ATG13: variants seen among roughly 807,000 people sequenced by gnomAD.
ATG13 encodes autophagy related 13.
In ATG13, 23 loss-of-function variants were observed where a neutral mutation model predicts 65.5. The observed-to-expected ratio is 0.35, with a 90% CI of 0.25 to 0.50. The LOEUF is 0.50. ATG13 is among the 20% of genes least tolerant of loss of function. ATG13 has a pLI of 0.98. For synonymous variants in ATG13, 252 were observed against 245.2 expected (o/e 1.03, Z -0.26); for missense variants, 566 against 677.0 (o/e 0.84, Z 1.82).
intron 8 of ATG13, 107 bp downstream of exon 8, chr11:46,656,380 C>A: frequency 2.6e-6 from 3 of 1,158,616 alleles, no homozygotes; most frequent in Non-Finnish European, 3.7e-6. Flanking sequence ...TCTTAATATG[C>A]ATAATACAAG....
intron 15 of ATG13, among the ~76,000 whole-genome samples, chr11:46,668,192 C>T (rs970996832): frequency 6.6e-6 from 1 of 152,202 alleles, no homozygotes; most frequent in African/African-American, 2.4e-5. Flanking sequence ...TTGAATTGAA[C>T]TAGGAGGTTC....
At chr11:46,629,796 A>G (rs1462156976) in intron 1 of ATG13, 2 of 152,150 alleles carry the variant, frequency 1.3e-5, no homozygotes, top group African/African-American at 4.8e-5. Context: ...CCATAATATC[A>G]TGAATTTTTG....
chr11:46,645,756 G>T, intron 4 of ATG13, 114 bp from the exon 5 acceptor site: 1 of 1,416,832 alleles, frequency 7.1e-7, no homozygotes, highest in Non-Finnish European at 9.6e-7. Context: ...AGAAGTGAAT[G>T]AATTGTCTTC....
In ATG13 at chr11:46,657,109, C is replaced by G; in HGVS notation, c.514C>G (p.Arg172Gly). The G allele has an allele frequency of 6.2e-7, 1 of 1,613,876 alleles. No homozygotes were observed. The highest frequency in any genetic ancestry group is 8.5e-7 in the Non-Finnish European group (1 of 1,179,768). ...TCTTCTCCTAGGCTTCCAGACAGTT[C>G]GTGTTGGGACAGTGGGCACCCCTGT... ...SGLGEGFQTV[R>G]VGTVGTPVGT... is the part of the protein sequence containing the mutation. The change falls in exon 9 of 19, where the codon CGT becomes GGT. Residue 172 changes from arginine (R) to glycine (G), a missense_variant. This residue lies in a region of ATG13 where 179 missense variants were observed against 267.2 expected (regional missense o/e 0.67). Transcript: ENST00000683050.
chr11:46,619,332 G>A (rs1403537570), intron 1 of ATG13, among the ~76,000 whole-genome samples: 1 of 133,318 alleles, frequency 7.5e-6, no homozygotes, highest in East Asian at 2.4e-4. Context: ...TAAATAATTA[G>A]CTGATTTTTT....
intron 2 of ATG13, among the ~76,000 whole-genome samples, chr11:46,630,561 T>A (rs1243379237): frequency 7.0e-6 from 1 of 141,926 alleles, no homozygotes; most frequent in Non-Finnish European, 1.5e-5. Flanking sequence ...TGGCAAGAAA[T>A]TAGAGGCTTT....
chr11:46,624,610 G>A (rs2048861613), intron 1 of ATG13, among the ~76,000 whole-genome samples: 1 of 151,864 alleles, frequency 6.6e-6, no homozygotes, highest in South Asian at 2.1e-4. Context: ...GTTAGTTTCA[G>A]GTTATACAGT....
chr11:46,665,299 GCAGATAC>G lies in ATG13; in HGVS notation c.1000-81_1000-75del, dbSNP rs1260834668. 7 of 1,516,642 alleles carry G rather than the reference GCAGATAC, an allele frequency of 4.6e-6. No individual in the cohort carries two copies. The Admixed American group carries it at 1.3e-4, about 29-fold the overall frequency. The allele number at this position is 1,516,642 out of a possible 1,614,324, so 93.9% of individuals were successfully genotyped here. The stretch of plus-strand genomic sequence containing the variant: ...AGCGTTGGTGATGGAAAAGTCAAAA[GCAGATAC>G]CATCATGCTAGAATGTGAAGTTCCC... On this transcript the variant is annotated intron_variant, in intron 13 of 18. Coordinates refer to ENST00000683050, the MANE Select transcript of ATG13 (RefSeq NM_001346311.2).
At position 46,663,980 on chromosome 11, in the gene ATG13, T is replaced by C; in HGVS notation, c.790-17T>C. 1.5e-6 allele frequency: 2 copies of C among 1,349,402 alleles called. No individual in the cohort carries two copies. Among genetic ancestry groups the C allele is most frequent in the East Asian group, 4.7e-5 (2 of 42,312 alleles). The allele number at this position is 1,349,402 out of a possible 1,614,324, so 83.6% of individuals were successfully genotyped here. A position where few individuals can be genotyped will look rare whatever the true frequency, so the allele number is the denominator to read the frequency against. Reference sequence around the variant, plus strand: ...TTTTTTTTTGTTTCTCCTGTCTCTGTGTGTGTCTGTGCACAGTGTGTGTTT... The same window carrying C: ...TTTTTTTTTGTTTCTCCTGTCTCTGCGTGTGTCTGTGCACAGTGTGTGTTT... On this transcript the variant is annotated splice_polypyrimidine_tract_variant and intron_variant, in intron 11 of 18. Coordinates refer to ENST00000683050, the MANE Select transcript of ATG13 (RefSeq NM_001346311.2).
At chr11:46,655,952 T>C (rs979733232) in intron 7 of ATG13, among the ~76,000 whole-genome samples, 1 of 152,204 alleles carries the variant, frequency 6.6e-6, no homozygotes, top group African/African-American at 2.4e-5. Flanking sequence ...CAGACTGGTC[T>C]TGAACTCCTG....
At chr11:46,651,378 G>A (rs1416142174) in intron 7 of ATG13, among the ~76,000 whole-genome samples, 1 of 152,170 alleles carries the variant, frequency 6.6e-6, no homozygotes, top group African/African-American at 2.4e-5. Flanking sequence ...AAAAGTGAGG[G>A]AGAATAATTA....
At chr11:46,637,677 A>G (rs551947250) in intron 2 of ATG13, among the ~76,000 whole-genome samples, 8 of 152,226 alleles carry the variant, frequency 5.3e-5, no homozygotes, top group Admixed American at 2.6e-4. Context: ...TAGCACCCAG[A>G]TGAGAACAAG....
chr11:46,650,077 A>G, intron 6 of ATG13, 100 bp from the exon 7 acceptor site: 1 of 1,311,640 alleles, frequency 7.6e-7, no homozygotes, highest in Non-Finnish European at 1.0e-6. Flanking sequence ...GTGTAATTAG[A>G]GTTCTCTGGT....
rs2134427823 is a variant in ATG13 at position 46,674,077 on chromosome 11, C to G, written c.*1745C>G. ...GCTGAACCCAGGCTCAGGTTTATCC[C>G]CAAGGCCCCAGCTTTGAGAAGGGGG... On this transcript the variant is annotated 3_prime_UTR_variant, in exon 19 of 19. Transcript: ENST00000683050. The G allele has an allele frequency of 6.6e-6, 1 of 152,372 alleles. No homozygotes were observed. Among genetic ancestry groups the G allele is most frequent in the South Asian group, 2.1e-4 (1 of 4,828 alleles). The allele number at this position is 152,372 out of a possible 1,614,324, so 9.4% of individuals were successfully genotyped here.
rs1258781610 is a variant in ATG13 at position 46,665,363 on chromosome 11, C to G, written c.1000-20C>G. On this transcript the variant is annotated intron_variant, in intron 13 of 18. Transcript: ENST00000683050. ...CCTGGCATGCCATGATTCACTGTCT[C>G]TTTCCATTTTTCCCCAAAGCTGATG... 6.2e-7 allele frequency: 1 copy of G among 1,611,582 alleles called. No homozygotes were observed. The highest frequency in any genetic ancestry group is 2.2e-5 in the East Asian group (1 of 44,824).
At chr11:46,671,898 A>G (rs889292098) in intron 18 of ATG13, among the ~76,000 whole-genome samples, 3 of 152,220 alleles carry the variant, frequency 2.0e-5, no homozygotes, top group African/African-American at 7.2e-5. Flanking sequence ...TAAACTGTTT[A>G]ATTTGTAGAG....
At chr11:46,620,176 C>T (rs370433202) in intron 1 of ATG13, among the ~76,000 whole-genome samples, 20 of 151,516 alleles carry the variant, frequency 1.3e-4, no homozygotes, top group East Asian at 1.0e-3. Flanking sequence ...CTGCAACAAC[C>T]TCCCCCTCCT....
intron 2 of ATG13, among the ~76,000 whole-genome samples, chr11:46,637,136 G>A (rs1242308514): frequency 6.6e-6 from 1 of 152,150 alleles, no homozygotes; most frequent in Non-Finnish European, 1.5e-5. Flanking sequence ...GGGAACTATA[G>A]GGGTTCACTA....
Position 46,650,295 on chromosome 11 carries a change from C to T in ATG13, c.436C>T (p.His146Tyr). 10 of 1,613,934 alleles carry T rather than the reference C, an allele frequency of 6.2e-6. No individual in the cohort carries two copies. Among genetic ancestry groups the T allele is most frequent in the Non-Finnish European group, 8.5e-6 (10 of 1,179,934 alleles). ...CTATAGGCTCTCCAGGAAACAAGGG[C>T]ATGAATATGTCATATTATACAGGTA... Reference protein sequence around the residue: ...PAYRLSRKQGHEYVILYRIYF... With the variant: ...PAYRLSRKQGYEYVILYRIYF... The change falls in exon 7 of 19, where the codon CAT becomes TAT. Residue 146 changes from histidine (H) to tyrosine (Y), a missense_variant. By Grantham distance (83) the His-to-Tyr change is moderately conservative (BLOSUM62 2). Coordinates refer to ENST00000683050, the MANE Select transcript of ATG13 (RefSeq NM_001346311.2).
Sources: allele counts gnomAD v4.1 joint callset (sites outside exome capture counted in the v4.1 genomes callset), GRCh38; gene constraint gnomAD v4.1.1; regional missense constraint gnomAD v4.1.1; transcripts MANE v1.5; gene names NCBI Gene and HGNC (gene_info 2026-07-23, HGNC 2026-07-21).